Variants in SAMD12 observed in about 807,000 individuals in gnomAD.
The protein encoded by SAMD12 is sterile alpha motif domain-containing protein 12.
Under a neutral mutation model 15.0 loss-of-function variants are expected in SAMD12, and 9 were observed. That is an observed-to-expected ratio of 0.60 (90% CI 0.36 to 1.05). The LOEUF is 1.05. Among genes scored for constraint, SAMD12 ranks in the 50% least tolerant of loss-of-function variants. SAMD12 has a pLI of 0.01. For missense variants in SAMD12, 230 were observed against 234.2 expected (o/e 0.98, Z 0.12); for synonymous variants, 86 against 90.1 (o/e 0.96, Z 0.25).
Position 118,261,064 on chromosome 8 carries a change from G to A in SAMD12, c.434-63332C>T, listed in dbSNP as rs905652133. 5.3e-5 allele frequency among the ~76,000 whole-genome samples: 8 copies of A among 152,150 alleles called. No individual in the cohort carries two copies. In the South Asian group the frequency reaches 6.2e-4, roughly 12 times the overall value. ...TGCTCAACAAACGTTTGTTAAAAGC[G>A]TAAATGAGTGAATACAGATGTTACA... On this transcript the variant is annotated intron_variant, in intron 4 of 4. Transcript: ENST00000409003.
At chr8:118,222,858 C>T (rs2129878628) in intron 4 of SAMD12, among the ~76,000 whole-genome samples, 1 of 152,220 alleles carries the variant, frequency 6.6e-6, no homozygotes, top group South Asian at 2.1e-4. Flanking sequence ...CAGTTATGAT[C>T]ATAATCACTG....
At chr8:118,582,400 CT>C (rs1384745919) in intron 1 of SAMD12, among the ~76,000 whole-genome samples, 4 of 152,150 alleles carry the variant, frequency 2.6e-5, no homozygotes, top group Non-Finnish European at 4.4e-5. Flanking sequence ...AGCTCTACAC[CT>C]AACATACTGC....
chr8:118,403,524 G>C (rs1820973218), intron 3 of SAMD12, among the ~76,000 whole-genome samples: 1 of 152,034 alleles, frequency 6.6e-6, no homozygotes. Flanking sequence ...AAAAATTATA[G>C]TAGTATTTCT....
At chr8:118,407,170 T>C (rs1479901655) in intron 3 of SAMD12, among the ~76,000 whole-genome samples, 1 of 152,152 alleles carries the variant, frequency 6.6e-6, no homozygotes, top group Non-Finnish European at 1.5e-5. Flanking sequence ...TTTCAATTCT[T>C]TTAAATATGT....
intron 2 of SAMD12, among the ~76,000 whole-genome samples, chr8:118,484,097 G>A (rs561981626): frequency 6.6e-6 from 1 of 152,314 alleles, no homozygotes; most frequent in South Asian, 2.1e-4. Context: ...TAGGGTAAGG[G>A]GAAAGGGTGG....
intron 2 of SAMD12, among the ~76,000 whole-genome samples, chr8:118,576,239 T>A (rs1827149199): frequency 6.6e-6 from 1 of 152,228 alleles, no homozygotes; most frequent in Non-Finnish European, 1.5e-5. Context: ...GTGGCTAGCA[T>A]GACCAAAGAA....
rs920643936 is a variant in SAMD12 at position 118,307,887 on chromosome 8, G to GGCGA, written c.433+71669_433+71672dup. On this transcript the variant is annotated intron_variant, in intron 4 of 4. Coordinates refer to the SAMD12 transcript ENST00000409003. ...GGAGAAGACTGGAAAGAAGGAGAAAGGCGAGGTCAGGGTATTTCTTCCCCC... is the reference window on the plus strand; with the variant it reads ...GGAGAAGACTGGAAAGAAGGAGAAAGGCGAGCGAGGTCAGGGTATTTCTTCCCCC... 1.9e-4 allele frequency among the ~76,000 whole-genome samples: 29 copies of GGCGA among 152,260 alleles called. 1 individual carries two copies. In the Middle Eastern group the frequency reaches 0.01, roughly 54 times the overall value.
chr8:118,357,914 G>A (rs1226527346), intron 4 of SAMD12, among the ~76,000 whole-genome samples: 4 of 152,154 alleles, frequency 2.6e-5, no homozygotes, highest in Admixed American at 2.6e-4. Context: ...GGGAGACCAA[G>A]GTGGGAGGAT....
intron 2 of SAMD12, among the ~76,000 whole-genome samples, chr8:118,570,554 G>A (rs760124259): frequency 7.2e-5 from 11 of 151,996 alleles, no homozygotes; most frequent in Admixed American, 2.0e-4. Flanking sequence ...TCTTTTATAC[G>A]GCTGCATAGT....
At chr8:118,388,163 G>A (rs2450209) in intron 3 of SAMD12, among the ~76,000 whole-genome samples, 11,165 of 152,202 alleles carry the variant, frequency 0.073, 483 homozygotes, top group East Asian at 0.23. Context: ...GATGGAGACC[G>A]AAGAACCAGA....
At chr8:118,203,559 T>C (rs1012172544) in intron 4 of SAMD12, among the ~76,000 whole-genome samples, 2 of 152,110 alleles carry the variant, frequency 1.3e-5, no homozygotes, top group Non-Finnish European at 2.9e-5. Flanking sequence ...TACAGGTCCT[T>C]GTTTCTATTT....
At chr8:118,141,151 T>C in the SAMD12 span, among the ~76,000 whole-genome samples, 3 of 152,174 alleles carry the variant, frequency 2.0e-5, no homozygotes, top group Non-Finnish European at 2.9e-5. Context: ...AGAAGCAAAT[T>C]CTAAGAGATA....
chr8:118,467,745 A>T (rs1823639046), intron 2 of SAMD12, among the ~76,000 whole-genome samples: 1 of 152,208 alleles, frequency 6.6e-6, no homozygotes, highest in Non-Finnish European at 1.5e-5. Flanking sequence ...TGCTCTGTCA[A>T]TTATGGTCTA....
chr8:118,555,290 T>G (rs1318365832), intron 2 of SAMD12, among the ~76,000 whole-genome samples: 1 of 152,224 alleles, frequency 6.6e-6, no homozygotes, highest in South Asian at 2.1e-4. Context: ...CCGTTCTTTG[T>G]TTTCTTTAAA....
chr8:118,362,150 GA>G (rs967186889), intron 4 of SAMD12, among the ~76,000 whole-genome samples: 4 of 151,814 alleles, frequency 2.6e-5, no homozygotes, highest in Non-Finnish European at 5.9e-5. Flanking sequence ...AAAAGGAGAA[GA>G]AAAGGAACAG....
chr8:118,389,717 A>G (rs1820164909), intron 3 of SAMD12, among the ~76,000 whole-genome samples: 1 of 151,246 alleles, frequency 6.6e-6, no homozygotes, highest in Non-Finnish European at 1.5e-5. Flanking sequence ...TCCATTTCAA[A>G]AAAGAAAAAA....
At chr8:118,232,913 A>C (rs929028690) in intron 4 of SAMD12, among the ~76,000 whole-genome samples, 3 of 152,176 alleles carry the variant, frequency 2.0e-5, no homozygotes, top group Non-Finnish European at 4.4e-5. Context: ...GCCCAATTCC[A>C]GCTTAAATAG....
At position 118,499,473 on chromosome 8, in the gene SAMD12, C is replaced by T. The variant is rs185420606; in HGVS notation, c.193-59512G>A. On this transcript the variant is annotated intron_variant, in intron 2 of 3. Coordinates refer to ENST00000314727, the MANE Select transcript of SAMD12 (RefSeq NM_207506.3). ...AGACTTATTAGCCACATGTCCACAA[C>T]GTCATGTAACCTCCTCAAGCCAAAG... 2.6e-4 allele frequency among the ~76,000 whole-genome samples: 39 copies of T among 152,318 alleles called. No homozygotes were observed. The East Asian group carries it at 4.4e-3, about 17-fold the overall frequency.
intron 4 of SAMD12, among the ~76,000 whole-genome samples, chr8:118,318,700 C>T (rs1816074210): frequency 6.6e-6 from 1 of 151,870 alleles, no homozygotes; most frequent in Non-Finnish European, 1.5e-5. Flanking sequence ...ACTTGTATTC[C>T]CAAAGCTATT....
Sources: gnomAD v4.1 joint callset for allele counts (sites outside exome capture counted in the v4.1 genomes callset) on GRCh38, gnomAD v4.1.1 for gene constraint, MANE v1.5 for transcripts, NCBI Gene and HGNC (gene_info 2026-07-23, HGNC 2026-07-21) for gene names.